RBMS3: variants seen among roughly 807,000 people sequenced by gnomAD.
The protein encoded by RBMS3 is RNA-binding motif, single-stranded-interacting protein 3.
Under a neutral mutation model 66.8 loss-of-function variants are expected in RBMS3, and 27 were observed. The observed-to-expected ratio is 0.40, with a 90% CI of 0.30 to 0.56. The LOEUF (loss-of-function observed/expected upper bound fraction) is 0.56, where lower values mean the gene tolerates loss of function less well. Ranked by LOEUF, RBMS3 falls within the 20% of genes least tolerant of loss-of-function variation. The pLI is 0.40. For synonymous variants in RBMS3, 188 were observed against 183.0 expected (o/e 1.03, Z -0.22); for missense variants, 513 against 549.5 (o/e 0.93, Z 0.66).
chr3:29,787,373 AC>A (rs1189820224), intron 6 of RBMS3, among the ~76,000 whole-genome samples: 1 of 152,204 alleles, frequency 6.6e-6, no homozygotes, highest in Non-Finnish European at 1.5e-5. Context: ...CAAAAAAAAT[AC>A]TTGCACATGC....
chr3:29,837,665 TATATATA>T (rs1185378974), intron 6 of RBMS3, among the ~76,000 whole-genome samples: 2 of 16,714 alleles, frequency 1.2e-4, no homozygotes, highest in African/African-American at 6.3e-4. Flanking sequence ...ATAATGAACA[TATATATA>T]TATATATATA....
intron 3 of RBMS3, among the ~76,000 whole-genome samples, chr3:29,567,137 T>C (rs2046772798): frequency 6.6e-6 from 1 of 152,156 alleles, no homozygotes; most frequent in South Asian, 2.1e-4. Context: ...TATTACCTTA[T>C]GAGAGAAATC....
chr3:29,950,594 G>A lies in RBMS3; in HGVS notation c.1098+6340G>A, dbSNP rs532432583. Among the ~76,000 whole-genome samples, 9 of 151,900 alleles carry A rather than the reference G, an allele frequency of 5.9e-5. No individual in the cohort carries two copies. The South Asian group carries it at 1.9e-3, about 32-fold the overall frequency. ...AGGCATGCGAGAGACATCTGATTCT[G>A]GAGAGATACTGCCTAATAAACATGT... On this transcript the variant is annotated intron_variant, in intron 12 of 14. Transcript: ENST00000383767.
chr3:29,492,645 T>G (rs1000689973), intron 3 of RBMS3, among the ~76,000 whole-genome samples: 8 of 152,078 alleles, frequency 5.3e-5, no homozygotes, highest in African/African-American at 1.4e-4. Flanking sequence ...TGGGAGATTT[T>G]AGGTAGGGGA....
rs2061018929 is a variant in RBMS3, at chr3:29,928,641, T to C, written c.940-7445T>C. On this transcript the variant is annotated intron_variant, in intron 10 of 14. Coordinates refer to ENST00000383767, the MANE Select transcript of RBMS3 (RefSeq NM_001003793.3). ...TTATCTACACCACAACACATGTATT[T>C]TTATGTAAACTACAGCAGTTTACAT... Among the ~76,000 whole-genome samples, 3 of 152,298 alleles carry C rather than the reference T, an allele frequency of 2.0e-5. No homozygotes were observed. In the South Asian group the frequency reaches 6.2e-4, roughly 32 times the overall value.
chr3:29,408,480 A>T (rs1019000350), intron 1 of RBMS3, among the ~76,000 whole-genome samples: 1 of 152,050 alleles, frequency 6.6e-6, no homozygotes, highest in Non-Finnish European at 1.5e-5. Flanking sequence ...AGGAAAAAAA[A>T]TCTCTAAGGG....
At chr3:29,839,557 A>G (rs1469332344) in intron 6 of RBMS3, among the ~76,000 whole-genome samples, 5 of 151,906 alleles carry the variant, frequency 3.3e-5, no homozygotes, top group African/African-American at 1.2e-4. Context: ...CTGGAATTTG[A>G]TTATCAATAG....
intron 1 of RBMS3, among the ~76,000 whole-genome samples, chr3:29,366,752 A>G (rs188933710): frequency 7.9e-5 from 12 of 152,308 alleles, no homozygotes; most frequent in Admixed American, 1.3e-4. Flanking sequence ...CGAATAGCAA[A>G]TCAACTACTT....
At chr3:29,548,697 A>G (rs966463012) in intron 3 of RBMS3, among the ~76,000 whole-genome samples, 4 of 152,108 alleles carry the variant, frequency 2.6e-5, no homozygotes, top group African/African-American at 9.7e-5. Flanking sequence ...GTCATCTAGT[A>G]TTAAAGCTTC....
At chr3:29,692,360 C>T (rs1320946738) in intron 4 of RBMS3, among the ~76,000 whole-genome samples, 1 of 152,016 alleles carries the variant, frequency 6.6e-6, no homozygotes, top group Non-Finnish European at 1.5e-5. Context: ...CTTGCTAAGA[C>T]TTAAAGAGGT....
At chr3:29,370,403 A>C (rs182317140) in intron 1 of RBMS3, among the ~76,000 whole-genome samples, 1 of 152,240 alleles carries the variant, frequency 6.6e-6, no homozygotes, top group African/African-American at 2.4e-5. Context: ...CCTCTTAGTA[A>C]ATTTATTGCT....
chr3:29,629,394 C>G (rs2049197876), intron 4 of RBMS3, among the ~76,000 whole-genome samples: 1 of 152,016 alleles, frequency 6.6e-6, no homozygotes, highest in Non-Finnish European at 1.5e-5. Flanking sequence ...AAAAATAAAC[C>G]TCTTTGCCCT....
chr3:29,355,531 T>C (rs1482187105), intron 1 of RBMS3, among the ~76,000 whole-genome samples: 1 of 151,548 alleles, frequency 6.6e-6, no homozygotes, highest in Non-Finnish European at 1.5e-5. Flanking sequence ...AACGAGGTGA[T>C]TCCTTATGGG....
chr3:29,793,022 G>A (rs2057063260), intron 6 of RBMS3, among the ~76,000 whole-genome samples: 1 of 152,128 alleles, frequency 6.6e-6, no homozygotes. Flanking sequence ...TGGATCACTT[G>A]AGGTCAGGAG....
In RBMS3 at chr3:29,730,737, G is replaced by A. The variant is rs537371629; in HGVS notation, c.400-8983G>A. The A allele has an allele frequency of 7.7e-5, 30 of 389,040 alleles. No homozygotes were observed. The South Asian group carries it at 2.9e-3, about 38-fold the overall frequency. 24.1% of individuals were successfully genotyped at this position (389,040 alleles called of 1,614,324 possible). A position where few individuals can be genotyped will look rare whatever the true frequency, so the allele number is the denominator to read the frequency against. On this transcript the variant is annotated intron_variant, in intron 4 of 14. Coordinates refer to ENST00000383767, the MANE Select transcript of RBMS3 (RefSeq NM_001003793.3). ...CTCTGAGATTTGTTTACAATATTGA[G>A]TAGTTCTCTATAGTTTTGTTTCCTG...
At chr3:29,445,694 G>T (rs1418402903) in intron 2 of RBMS3, among the ~76,000 whole-genome samples, 1 of 151,932 alleles carries the variant, frequency 6.6e-6, no homozygotes, top group Admixed American at 6.6e-5. Context: ...CAGTAGTATG[G>T]TATATACACA....
chr3:29,884,469 T>TCTCTCTCC (rs1553692501), intron 8 of RBMS3, among the ~76,000 whole-genome samples: 45 of 66,326 alleles, frequency 6.8e-4, no homozygotes, highest in African/African-American at 2.2e-3. Context: ...TCTCTCTCTC[T>TCTCTCTCC]CCCCCCCCGC....
At chr3:29,551,382 A>G (rs1245842696) in intron 3 of RBMS3, among the ~76,000 whole-genome samples, 2 of 152,232 alleles carry the variant, frequency 1.3e-5, no homozygotes, top group Admixed American at 6.5e-5. Context: ...GTTATAATAC[A>G]TAACAAAATA....
chr3:29,311,789 G>C (rs2034391964), intron 1 of RBMS3, among the ~76,000 whole-genome samples: 2 of 151,848 alleles, frequency 1.3e-5, no homozygotes, highest in African/African-American at 4.8e-5. Flanking sequence ...TAGTGACCTA[G>C]GGGTGAAGGA....
Sources: allele counts gnomAD v4.1 joint callset (sites outside exome capture counted in the v4.1 genomes callset), GRCh38; gene constraint gnomAD v4.1.1; transcripts MANE v1.5; gene names NCBI Gene and HGNC (gene_info 2026-07-23, HGNC 2026-07-21).